The following FBXO38 variants were observed in gnomAD, a reference collection of about 807,000 sequenced individuals.
The protein encoded by FBXO38 is F-box protein 38.
In FBXO38, 53 loss-of-function variants were observed where a neutral mutation model predicts 131.9. The ratio of observed to expected loss-of-function variants is 0.40; its 90% CI spans 0.32 to 0.51. The LOEUF is 0.51. Among genes scored for constraint, FBXO38 ranks in the 20% least tolerant of loss-of-function variants. The probability of loss-of-function intolerance (pLI) is 0.53; values close to 1 mark genes in which losing one functional copy is unlikely to be tolerated. For synonymous variants in FBXO38, 452 were observed against 505.6 expected, an observed-to-expected ratio of 0.89 and a Z score of 1.42; for missense variants, 1,076 against 1,475.6, an observed-to-expected ratio of 0.73 and a Z score of 4.44.
chr5:148,438,140 G>A (rs1250949164), intron 17 of FBXO38, among the ~76,000 whole-genome samples, 192 bp from the exon 18 acceptor site: 2 of 152,134 alleles, frequency 1.3e-5, no homozygotes, highest in East Asian at 3.9e-4. Context: ...GCACTTTAAT[G>A]CCCCTTCTAC....
In FBXO38 at chr5:148,394,895, A is replaced by G. The variant is rs1192552324; in HGVS notation, c.119A>G (p.His40Arg). 1 of 1,589,164 alleles carries G rather than the reference A, an allele frequency of 6.3e-7. No homozygotes were observed. The highest frequency in any genetic ancestry group is 1.8e-5 in the Admixed American group (1 of 55,600). Residue 40 changes from histidine to arginine, a missense_variant, in exon 2 of 22, where the codon CAT becomes CGT. Physicochemically the swap from His to Arg is conservative, Grantham distance 29. Coordinates refer to ENST00000340253, the MANE Select transcript of FBXO38 (RefSeq NM_205836.3). ...MNQLSHEVLC[H>R]IFRYLPLQDI... The stretch of plus-strand genomic sequence containing the variant: ...CAACTTTCACATGAAGTACTTTGCC[A>G]TATTTTTAGGTAAGATTGTGTTTGG...
intron 9 of FBXO38, chr5:148,413,412 C>T (rs956430791): frequency 6.6e-6 from 1 of 151,896 alleles, no homozygotes; most frequent in African/African-American, 2.4e-5. Context: ...CTCTTGTATC[C>T]CCAGCACTAT....
intron 11 of FBXO38, 102 bp downstream of exon 11, chr5:148,416,172 G>A (rs1032713234): frequency 4.7e-5 from 56 of 1,189,516 alleles, no homozygotes; most frequent in South Asian, 1.0e-4. Context: ...ATGCCTTTAC[G>A]GTGTTACAGT....
At chr5:148,429,024 TG>T (rs1250218323) in intron 15 of FBXO38, among the ~76,000 whole-genome samples, 35 of 152,326 alleles carry the variant, frequency 2.3e-4, no homozygotes, top group African/African-American at 7.0e-4. Flanking sequence ...TATAATTCAG[TG>T]GCACTAAATA....
intron 14 of FBXO38, 69 bp downstream of exon 14, chr5:148,425,770 A>G (rs1429132004): frequency 4.4e-6 from 6 of 1,362,856 alleles, no homozygotes; most frequent in Non-Finnish European, 4.1e-6. Context: ...TGGCCTTAAT[A>G]TGACAACTTG....
chr5:148,394,947 G>C, intron 2 of FBXO38, 43 bp downstream of exon 2: 1 of 1,509,860 alleles, frequency 6.6e-7, no homozygotes, highest in East Asian at 2.5e-5. Context: ...GAATGGATAA[G>C]AGCAAACCCT....
At chr5:148,388,804 C>A (rs1020243853) in intron 1 of FBXO38, among the ~76,000 whole-genome samples, 1 of 152,214 alleles carries the variant, frequency 6.6e-6, no homozygotes, top group African/African-American at 2.4e-5. Context: ...GCTTTCTTAT[C>A]ATTTGTTTAT....
At chr5:148,435,535 G>T (rs530758521) in intron 17 of FBXO38, among the ~76,000 whole-genome samples, 1 of 152,300 alleles carries the variant, frequency 6.6e-6, no homozygotes, top group African/African-American at 2.4e-5. Context: ...ACTTTGGGAG[G>T]CCAAGGCGGG....
chr5:148,390,587 T>C (rs1413064911), intron 1 of FBXO38, among the ~76,000 whole-genome samples: 1 of 152,210 alleles, frequency 6.6e-6, no homozygotes, highest in Admixed American at 6.5e-5. Context: ...TGCTAGTTAG[T>C]GTTAAAGGAT....
intron 12 of FBXO38, among the ~76,000 whole-genome samples, chr5:148,422,292 A>G (rs566726450): frequency 6.6e-6 from 1 of 152,258 alleles, no homozygotes; most frequent in Admixed American, 6.5e-5. Context: ...CCACCACTAC[A>G]TCATTCTTGA....
chr5:148,422,365 T>C (rs545182338), intron 12 of FBXO38, among the ~76,000 whole-genome samples: 3 of 152,172 alleles, frequency 2.0e-5, no homozygotes, highest in South Asian at 2.1e-4. Context: ...TCCTTCCATG[T>C]TTTCATGGCT....
chr5:148,435,806 C>G lies in FBXO38; in HGVS notation c.2857+2069C>G, dbSNP rs573131212. ...TAAAAAAATACAGTGAGATTTGTGA[C>G]TCTTCCTTTTACTTGAACACTTAGA... On this transcript the variant is annotated intron_variant, in intron 17 of 21. Coordinates refer to ENST00000340253, the MANE Select transcript of FBXO38 (RefSeq NM_205836.3). Among the ~76,000 whole-genome samples the G allele has an allele frequency of 2.6e-5, 4 of 152,198 alleles. No individual in the cohort carries two copies. The South Asian group carries it at 8.3e-4, about 32-fold the overall frequency.
chr5:148,433,357 T>C, intron 15 of FBXO38, 67 bp from the exon 16 acceptor site: 1 of 1,101,956 alleles, frequency 9.1e-7, no homozygotes, highest in Non-Finnish European at 1.4e-6. Flanking sequence ...ACGTATGTGA[T>C]TGAATGTGCT....
rs1752348678 is a variant in FBXO38, at chr5:148,404,828, G to A, written c.730+6G>A. On this transcript the variant is annotated splice_donor_region_variant and intron_variant, in intron 6 of 21. Coordinates refer to ENST00000340253, the MANE Select transcript of FBXO38 (RefSeq NM_205836.3). ...CGTCATGAGGAACTGTGCAGGTAAT[G>A]GTACACAATTATGGTGGAATTAAAC... 6.3e-7 allele frequency: 1 copy of A among 1,587,596 alleles called. No homozygotes were observed. The highest frequency in any genetic ancestry group is 2.3e-5 in the East Asian group (1 of 43,736).
rs1000950836 is a variant in FBXO38, at chr5:148,441,179, A to G, written c.3330A>G (p.Ser1110=). 2 of 1,614,008 alleles carry G rather than the reference A, an allele frequency of 1.2e-6. No individual in the cohort carries two copies. Among genetic ancestry groups the G allele is most frequent in the Non-Finnish European group, 1.7e-6 (2 of 1,179,952 alleles). Reference sequence around the variant, plus strand: ...TTTCTGACTTCCCTTGGCTGAGGTCATTACGAGCTGCAGAGCCCAACAGCT... The same window carrying G: ...TTTCTGACTTCCCTTGGCTGAGGTCGTTACGAGCTGCAGAGCCCAACAGCT... ...SMISDFPWLR[S]LRAAEPNSFA... is the part of the protein sequence containing the mutation. The change falls in exon 21 of 22, where the codon TCA becomes TCG. Residue 1110 remains serine, a synonymous_variant. Coordinates refer to ENST00000340253, the MANE Select transcript of FBXO38 (RefSeq NM_205836.3).
chr5:148,429,151 G>A (rs1033442724), intron 15 of FBXO38, among the ~76,000 whole-genome samples: 15 of 151,892 alleles, frequency 9.9e-5, no homozygotes, highest in African/African-American at 3.6e-4. Context: ...TTTGTTGTGT[G>A]GTTTTTCGTA....
Position 148,433,653 on chromosome 5 carries a change from A to G in FBXO38, c.2773A>G (p.Lys925Glu). ...CTTGTAGGTTCTTGTATTAAAATCC[A>G]AGAATCTTGTTGGAGTCACTATGAC... is the stretch of plus-strand genomic sequence containing the variant. Reference protein sequence around the residue: ...DHVQVLVLKSKNLVGVTMTNC... With the variant: ...DHVQVLVLKSENLVGVTMTNC... The change falls in exon 17 of 22, where the codon AAG becomes GAG. Residue 925 changes from lysine (K) to glutamate (E), a missense_variant. This residue lies in a region of FBXO38 where 282 missense variants were observed against 418.8 expected (regional missense o/e 0.67). Coordinates refer to ENST00000340253, the MANE Select transcript of FBXO38 (RefSeq NM_205836.3). 1 of 1,605,232 alleles carries G rather than the reference A, an allele frequency of 6.2e-7. No individual in the cohort carries two copies. Among genetic ancestry groups the G allele is most frequent in the Non-Finnish European group, 8.5e-7 (1 of 1,176,832 alleles).
intron 14 of FBXO38, among the ~76,000 whole-genome samples, chr5:148,426,148 T>C (rs1753703367): frequency 6.6e-6 from 1 of 152,196 alleles, no homozygotes; most frequent in African/African-American, 2.4e-5. Context: ...CTCACATCCC[T>C]TTAAATCTAG....
At chr5:148,419,298 A>G (rs1278194565) in intron 12 of FBXO38, among the ~76,000 whole-genome samples, 1 of 152,188 alleles carries the variant, frequency 6.6e-6, no homozygotes, top group Non-Finnish European at 1.5e-5. Context: ...GGTCACTCCC[A>G]CATGGTAGTG....
Sources: allele counts gnomAD v4.1 joint callset (sites outside exome capture counted in the v4.1 genomes callset), GRCh38; gene constraint gnomAD v4.1.1; regional missense constraint gnomAD v4.1.1; transcripts MANE v1.5; gene names NCBI Gene and HGNC (gene_info 2026-07-23, HGNC 2026-07-21).